Variants in MEIOSIN observed in about 807,000 individuals in gnomAD.
The protein encoded by MEIOSIN is meiosis initiator, also known as meiosis initiator protein.
A neutral mutation model predicts 23.4 loss-of-function variants in MEIOSIN; 18 were observed. That is an observed-to-expected ratio of 0.77 (90% CI 0.53 to 1.14). The LOEUF is 1.14. MEIOSIN is among the 50% of genes most tolerant of loss of function. The pLI, the probability that MEIOSIN is intolerant of heterozygous loss-of-function variation, is 0.00. For synonymous variants in MEIOSIN, 187 were observed against 100.6 expected (o/e 1.86, Z -5.14); for missense variants, 428 against 242.9 (o/e 1.76, Z -5.07).
rs1294212241 is a variant in MEIOSIN, at chr19:45,764,458, CCTA to C, written c.*343_*345del. On this transcript the variant is annotated 3_prime_UTR_variant, in exon 15 of 15. Transcript: ENST00000457052. ...GCAACCCTGTTCATGCTCACCTCACCCTACTCCTCCCTCTCCTGTTCTATTTTT... is the reference window on the plus strand; with the variant it reads ...GCAACCCTGTTCATGCTCACCTCACCCTCCTCCCTCTCCTGTTCTATTTTT... The C allele has an allele frequency of 7.6e-6, 2 of 262,822 alleles. No individual in the cohort carries two copies. The highest frequency in any genetic ancestry group is 1.1e-4 in the Admixed American group (2 of 18,410). The allele number at this position is 262,822 out of a possible 1,614,324, so 16.3% of individuals were successfully genotyped here.
intron 4 of MEIOSIN, among the ~76,000 whole-genome samples, chr19:45,746,532 T>A (rs1235527785): frequency 6.6e-6 from 1 of 152,098 alleles, no homozygotes; most frequent in Admixed American, 6.6e-5. Context: ...TAAACAGGAA[T>A]AATCAGGCCA....
intron 13 of MEIOSIN, among the ~76,000 whole-genome samples, chr19:45,762,849 C>T (rs1437122390): frequency 2.0e-5 from 3 of 152,232 alleles, no homozygotes; most frequent in Admixed American, 1.3e-4. Context: ...GAATCTTTGT[C>T]CTTTTCACCC....
chr19:45,751,548 T>G (rs1968709647), intron 5 of MEIOSIN, among the ~76,000 whole-genome samples: 1 of 151,770 alleles, frequency 6.6e-6, no homozygotes, highest in Admixed American at 6.6e-5. Context: ...TTTTGTGTGT[T>G]TTTTGAGACG....
rs1968359159 is a variant in MEIOSIN at position 45,733,589 on chromosome 19, C to T, written c.-78C>T. 1 of 152,298 alleles carries T rather than the reference C, an allele frequency of 6.6e-6. No homozygotes were observed. Among genetic ancestry groups the T allele is most frequent in the African/African-American group, 2.4e-5 (1 of 41,476 alleles). The allele number at this position is 152,298 out of a possible 1,614,324, so 9.4% of individuals were successfully genotyped here. On this transcript the variant is annotated 5_prime_UTR_variant, in exon 1 of 15. Transcript: ENST00000457052. The surrounding 1 kb of genome is among the most constrained non-coding windows in gnomAD (Gnocchi z 5.7). ...TCCCGGGACCCGCGCGAGACGCTGTCTGATCGGGCTCCCTAGAGTGGGGCC... is the reference window on the plus strand; with the variant it reads ...TCCCGGGACCCGCGCGAGACGCTGTTTGATCGGGCTCCCTAGAGTGGGGCC...
intron 1 of MEIOSIN, among the ~76,000 whole-genome samples, chr19:45,734,975 C>A (rs956078317): frequency 2.6e-5 from 4 of 151,928 alleles, no homozygotes; most frequent in Admixed American, 6.6e-5. Flanking sequence ...CTCAGTGCAA[C>A]CTCCGCCTCC....
chr19:45,763,148 G>A (rs963864340), intron 13 of MEIOSIN, among the ~76,000 whole-genome samples, 190 bp from the exon 14 acceptor site: 1 of 152,180 alleles, frequency 6.6e-6, no homozygotes, highest in African/African-American at 2.4e-5. Context: ...GGTGCCCACA[G>A]GTCCCCTGCA....
intron 2 of MEIOSIN, among the ~76,000 whole-genome samples, chr19:45,738,612 A>G (rs1968449359): frequency 6.6e-6 from 1 of 152,188 alleles, no homozygotes; most frequent in South Asian, 2.1e-4. Flanking sequence ...GACTCAGTCT[A>G]AAAAAAGAAA....
chr19:45,755,854 A>G, intron 7 of MEIOSIN, 116 bp from the exon 8 acceptor site: 1 of 614,760 alleles, frequency 1.6e-6, no homozygotes, highest in Non-Finnish European at 2.9e-6. Flanking sequence ...GGTTTGGGCT[A>G]GGATTGGGGA....
At chr19:45,763,580 G>A (rs779912942) in intron 14 of MEIOSIN, among the ~76,000 whole-genome samples, 153 bp downstream of exon 14, 5 of 152,176 alleles carry the variant, frequency 3.3e-5, no homozygotes, top group Non-Finnish European at 7.4e-5. Context: ...CCTTGGGGGT[G>A]ACACAGGTGT....
chr19:45,741,738 C>G (rs1402272401), intron 3 of MEIOSIN, among the ~76,000 whole-genome samples: 1 of 151,974 alleles, frequency 6.6e-6, no homozygotes, highest in Middle Eastern at 3.2e-3. Context: ...CCAACCAATT[C>G]TTGCCCTCAT....
rs1453143870 is a variant in MEIOSIN, at chr19:45,754,559, C to A, written c.637C>A (p.Gln213Lys). 2.8e-6 allele frequency: 2 copies of A among 703,044 alleles called. No homozygotes were observed. Among genetic ancestry groups the A allele is most frequent in the African/African-American group, 1.7e-5 (1 of 57,374 alleles). The allele number at this position is 703,044 out of a possible 1,614,324, so 43.6% of individuals were successfully genotyped here. ...GAAGCTGGTGGCCCCATCCCCAGAC[C>A]AGAAAGGAAGTGGCACAGGGGGGAC... ...PEKLVAPSPD[Q>K]KGSGTGGTTT... The change falls in exon 7 of 15, where the codon CAG becomes AAG. Residue 213 changes from glutamine (Q) to lysine (K), a missense_variant. Physicochemically the swap from Gln to Lys is moderately conservative, Grantham distance 53. Transcript: ENST00000457052.
At chr19:45,734,416 A>C (rs548152858) in intron 1 of MEIOSIN, among the ~76,000 whole-genome samples, 3 of 152,234 alleles carry the variant, frequency 2.0e-5, no homozygotes, top group African/African-American at 7.2e-5. Flanking sequence ...TCTTAGTATT[A>C]GGATCATATT....
chr19:45,758,232 G>A (rs1968869632), intron 9 of MEIOSIN, among the ~76,000 whole-genome samples: 1 of 152,072 alleles, frequency 6.6e-6, no homozygotes. Flanking sequence ...GACCTCAGGT[G>A]ATCCACCTGC....
At chr19:45,756,661 C>T (rs1404444739) in intron 8 of MEIOSIN, among the ~76,000 whole-genome samples, 3 of 152,042 alleles carry the variant, frequency 2.0e-5, no homozygotes, top group Non-Finnish European at 4.4e-5. Context: ...TAGGCTCAAG[C>T]AATCCTCCCA....
intron 4 of MEIOSIN, among the ~76,000 whole-genome samples, chr19:45,746,634 A>G (rs1453070678): frequency 6.6e-6 from 1 of 152,074 alleles, no homozygotes; most frequent in Non-Finnish European, 1.5e-5. Context: ...AGCCTGGCCA[A>G]CATGGTGAAA....
rs1968574298 is a variant in MEIOSIN at position 45,745,330 on chromosome 19, A to T, written c.306+9A>T. The T allele has an allele frequency of 4.3e-6, 3 of 699,540 alleles. No homozygotes were observed. Among genetic ancestry groups the T allele is most frequent in the Non-Finnish European group, 7.8e-6 (3 of 383,750 alleles). The allele number at this position is 699,540 out of a possible 1,614,324, so 43.3% of individuals were successfully genotyped here. A position where few individuals can be genotyped will look rare whatever the true frequency, so the allele number is the denominator to read the frequency against. On this transcript the variant is annotated intron_variant, in intron 4 of 14. Transcript: ENST00000457052. ...CCAAGAAGCTCACAAAGGTACAGGG[A>T]CTAGAGGAGAGGGGCCAGATTTGGG...
At chr19:45,762,539 C>A (rs923395393) in intron 13 of MEIOSIN, among the ~76,000 whole-genome samples, 1 of 152,192 alleles carries the variant, frequency 6.6e-6, no homozygotes, top group Non-Finnish European at 1.5e-5. Context: ...ATCACTGCAA[C>A]CTCTGCCTCT....
intron 2 of MEIOSIN, among the ~76,000 whole-genome samples, chr19:45,735,764 C>T (rs1968399095): frequency 6.6e-6 from 1 of 152,114 alleles, no homozygotes; most frequent in Non-Finnish European, 1.5e-5. Flanking sequence ...GCAACCTCCG[C>T]CTCCTGAACT....
At position 45,756,042 on chromosome 19, in the gene MEIOSIN, G is replaced by T; in HGVS notation, c.875G>T (p.Arg292Met). ...PALLAQEDVA[R>M]IHFLNKTQPH... ...CTCCTGGCTCAGGAAGATGTGGCGA[G>T]GATCCATTTTCTCAACAAGACCCAG... Residue 292 changes from arginine to methionine, a missense_variant, in exon 8 of 15, where the codon AGG becomes ATG. Physicochemically the swap from Arg to Met is moderately conservative, Grantham distance 91. Coordinates refer to ENST00000457052, the MANE Select transcript of MEIOSIN (RefSeq NM_001310124.2). 2.8e-6 allele frequency: 2 copies of T among 702,894 alleles called. No homozygotes were observed. Among genetic ancestry groups the T allele is most frequent in the South Asian group, 1.5e-5 (1 of 67,586 alleles). 43.5% of individuals were successfully genotyped at this position (702,894 alleles called of 1,614,324 possible). A position where few individuals can be genotyped will look rare whatever the true frequency, so the allele number is the denominator to read the frequency against.
Sources: allele counts gnomAD v4.1 joint callset (sites outside exome capture counted in the v4.1 genomes callset), GRCh38; gene constraint gnomAD v4.1.1; non-coding constraint Gnocchi (gnomAD v3.1); transcripts MANE v1.5; gene names NCBI Gene and HGNC (gene_info 2026-07-23, HGNC 2026-07-21).